INSL6: variants seen among roughly 807,000 people sequenced by gnomAD.
INSL6 encodes the protein insulin-like peptide INSL6.
A neutral mutation model predicts 9.4 loss-of-function variants in INSL6; 16 were observed. The observed-to-expected ratio is 1.70, with a 90% CI of 1.15 to 2.59. INSL6 has a LOEUF of 2.59. INSL6 is among the 30% of genes most tolerant of loss of function. INSL6 has a pLI of 0.00. For missense variants in INSL6, 391 were observed against 257.3 expected (o/e 1.52, Z -3.56); for synonymous variants, 154 against 96.9 (o/e 1.59, Z -3.46).
intron 3 of INSL6, chr9:5,127,150 A>T (rs909661916): frequency 1.2e-5 from 3 of 257,152 alleles, no homozygotes; most frequent in Non-Finnish European, 2.3e-5. Context: ...TGCACAGAAT[A>T]TGTATGTATA....
chr9:5,084,882 T>A, the INSL6 span: 1 of 416,250 alleles, frequency 2.4e-6, no homozygotes, highest in Non-Finnish European at 4.6e-6. Context: ...ATCAATAAGT[T>A]TGATATCTTT....
At chr9:5,108,759 G>T in the INSL6 span, 1 of 151,866 alleles carries the variant, frequency 6.6e-6, no homozygotes, top group African/African-American at 2.4e-5. Flanking sequence ...TCTACAAACC[G>T]ATGTAAAATC....
Position 5,181,875 on chromosome 9 carries a change from A to G in INSL6, c.289+3439T>C, listed in dbSNP as rs149372840. On this transcript the variant is annotated intron_variant, in intron 1 of 1. Coordinates refer to ENST00000381641, the MANE Select transcript of INSL6 (RefSeq NM_007179.3). ...ACCCAGAGCAAGTTAAAATAGAAAT[A>G]TAGTGTCATTTTACATCTATTACAC... Among the ~76,000 whole-genome samples the G allele has an allele frequency of 1.0e-3, 152 of 152,340 alleles. 1 individual carries two copies. Among genetic ancestry groups the G allele is most frequent in the African/African-American group, 3.3e-3 (137 of 41,588 alleles).
chr9:5,077,442 T>C, the INSL6 span: 5 of 1,013,838 alleles, frequency 4.9e-6, no homozygotes, highest in South Asian at 1.0e-4. Context: ...ATTACTTATA[T>C]TTTAATGCAG....
At chr9:5,173,313 T>C (rs1475274581) in intron 1 of INSL6, among the ~76,000 whole-genome samples, 2 of 152,038 alleles carry the variant, frequency 1.3e-5, no homozygotes, top group East Asian at 1.9e-4. Flanking sequence ...AAGATGCATA[T>C]GTTCATTGCA....
At chr9:5,028,804 C>T in the INSL6 span, among the ~76,000 whole-genome samples, 4 of 152,182 alleles carry the variant, frequency 2.6e-5, no homozygotes, top group Non-Finnish European at 4.4e-5. Flanking sequence ...TCACCTCTCT[C>T]AGCCTTCACA....
chr9:5,015,283 A>T, the INSL6 span, among the ~76,000 whole-genome samples: 4 of 152,226 alleles, frequency 2.6e-5, no homozygotes, highest in Non-Finnish European at 5.9e-5. Context: ...TTGTAACTAG[A>T]CGTAGAATTG....
intron 1 of INSL6, among the ~76,000 whole-genome samples, chr9:5,175,208 G>A (rs2130915873): frequency 6.6e-6 from 1 of 152,198 alleles, no homozygotes; most frequent in African/African-American, 2.4e-5. Context: ...CCAAAGTGCT[G>A]GGATTACAGG....
chr9:5,030,026 A>G, the INSL6 span: 3 of 744,674 alleles, frequency 4.0e-6, no homozygotes, highest in Non-Finnish European at 4.2e-6. Flanking sequence ...GTTAGCACTC[A>G]TTTAAGATTT....
downstream of INSL6, chr9:5,123,259 T>G (rs1823755621): frequency 1.8e-6 from 1 of 550,592 alleles, no homozygotes; most frequent in African/African-American, 1.9e-5. Context: ...ATCCACCACC[T>G]TAATAACATA....
chr9:5,130,351 C>T (rs1305530547), intron 3 of INSL6, among the ~76,000 whole-genome samples: 2 of 152,100 alleles, frequency 1.3e-5, no homozygotes, highest in East Asian at 3.8e-4. Flanking sequence ...GCAGTGTGAA[C>T]AGACAGAAGC....
At chr9:5,005,353 G>T in the INSL6 span, among the ~76,000 whole-genome samples, 69 of 151,452 alleles carry the variant, frequency 4.6e-4, no homozygotes, top group African/African-American at 1.7e-3. Flanking sequence ...ATCTATTTTG[G>T]ATATTAACTC....
At chr9:5,007,440 A>G in the INSL6 span, among the ~76,000 whole-genome samples, 1 of 152,054 alleles carries the variant, frequency 6.6e-6, no homozygotes, top group African/African-American at 2.4e-5. Context: ...TCCATAAGAG[A>G]TTTTTAATTT....
In INSL6 at chr9:5,151,942, G is replaced by T. The variant is rs934480687; in HGVS notation, c.376+12237C>A. ...AGATAGGTTAAAAATAAAAGATTGG[G>T]AAAATGATATATGATGGAAACACTA... On this transcript the variant is annotated intron_variant, in intron 2 of 3. Transcript: ENST00000649639. Among the ~76,000 whole-genome samples the T allele has an allele frequency of 8.5e-5, 13 of 152,148 alleles. 1 individual carries two copies. In the South Asian group the frequency reaches 2.7e-3, roughly 32 times the overall value.
the INSL6 span, among the ~76,000 whole-genome samples, chr9:5,073,093 GAT>G: frequency 1.6e-4 from 25 of 152,226 alleles, no homozygotes; most frequent in Admixed American, 3.3e-4. Flanking sequence ...AACATAGCAA[GAT>G]ATGATACTTA....
chr9:5,182,351 C>CA (rs1384789774), intron 1 of INSL6, among the ~76,000 whole-genome samples: 3 of 151,824 alleles, frequency 2.0e-5, no homozygotes, highest in African/African-American at 7.2e-5. Flanking sequence ...CTTATAAAAA[C>CA]AAAAAATATA....
chr9:5,131,976 A>G (rs1006639437), intron 3 of INSL6: 8 of 152,168 alleles, frequency 5.3e-5, no homozygotes, highest in Admixed American at 6.5e-5. Flanking sequence ...GACAGTGTGA[A>G]TCTCATGGTA....
At chr9:5,008,213 A>C in the INSL6 span, among the ~76,000 whole-genome samples, 2 of 152,190 alleles carry the variant, frequency 1.3e-5, no homozygotes, top group African/African-American at 4.8e-5. Flanking sequence ...AATATATAAA[A>C]TGTTTGCTTG....
At chr9:5,057,580 C>CTT in the INSL6 span, among the ~76,000 whole-genome samples, 41 of 116,766 alleles carry the variant, frequency 3.5e-4, no homozygotes, top group Non-Finnish European at 5.5e-4. Context: ...ATTCTACTTT[C>CTT]TTTTTTTTTT....
Sources: allele counts gnomAD v4.1 joint callset (sites outside exome capture counted in the v4.1 genomes callset), GRCh38; gene constraint gnomAD v4.1.1; transcripts MANE v1.5; gene names NCBI Gene and HGNC (gene_info 2026-07-23, HGNC 2026-07-21).